KIF3B: variants seen among roughly 807,000 people sequenced by gnomAD.
KIF3B encodes the protein kinesin family member 3B, also known as kinesin-like protein KIF3B.
A neutral mutation model predicts 74.3 loss-of-function variants in KIF3B; 38 were observed. That is an observed-to-expected ratio of 0.51 (90% confidence interval 0.39 to 0.67). The LOEUF (loss-of-function observed/expected upper bound fraction) is 0.67. Ranked by LOEUF, KIF3B falls within the 30% of genes least tolerant of loss-of-function variation. The pLI, the probability that KIF3B is intolerant of heterozygous loss-of-function variation, is 0.00. For synonymous variants in KIF3B, 326 were observed against 342.5 expected (o/e 0.95, Z 0.53); for missense variants, 649 against 932.0 (o/e 0.70, Z 3.95).
intron 1 of KIF3B, among the ~76,000 whole-genome samples, chr20:32,298,359 G>A (rs2047726285): frequency 2.6e-5 from 4 of 152,208 alleles, no homozygotes; most frequent in Admixed American, 2.6e-4. Flanking sequence ...TCGCCAGGGA[G>A]GCGGAGGTTG....
chr20:32,315,370 C>T (rs2047822103), intron 2 of KIF3B, among the ~76,000 whole-genome samples: 1 of 152,158 alleles, frequency 6.6e-6, no homozygotes, highest in Non-Finnish European at 1.5e-5. Flanking sequence ...GTCTGTGTAT[C>T]TGGCCCTGCA....
At chr20:32,298,643 T>A (rs531237000) in intron 1 of KIF3B, among the ~76,000 whole-genome samples, 1 of 152,226 alleles carries the variant, frequency 6.6e-6, no homozygotes, top group Admixed American at 6.5e-5. Flanking sequence ...TAAATTGTTA[T>A]ATATCCTTCT....
chr20:32,331,423 C>T lies in KIF3B; in HGVS notation c.*104C>T. On this transcript the variant is annotated 3_prime_UTR_variant, in exon 9 of 9. Transcript: ENST00000375712. The stretch of plus-strand genomic sequence containing the variant: ...TTCGGCCCAAACTCAGAACTGTTCC[C>T]CTGAGGAGAAGCGGTGGCCTCTTTG... The T allele has an allele frequency of 1.1e-6, 1 of 884,632 alleles. No individual in the cohort carries two copies. The highest frequency in any genetic ancestry group is 1.8e-6 in the Non-Finnish European group (1 of 566,932). The allele number at this position is 884,632 out of a possible 1,614,324, so 54.8% of individuals were successfully genotyped here. A position where few individuals can be genotyped will look rare whatever the true frequency, so the allele number is the denominator to read the frequency against.
intron 5 of KIF3B, among the ~76,000 whole-genome samples, chr20:32,321,428 C>CAAA (rs566740586): frequency 9.5e-5 from 12 of 125,806 alleles, no homozygotes; most frequent in African/African-American, 3.3e-4. Context: ...GACTCTGTCT[C>CAAA]AAAAAAAAAA....
chr20:32,292,647 A>G (rs973399416), intron 1 of KIF3B, among the ~76,000 whole-genome samples: 13 of 150,840 alleles, frequency 8.6e-5, no homozygotes, highest in Admixed American at 8.6e-4. Context: ...AGTCCCAGCT[A>G]CTCTGGAGGC....
chr20:32,286,802 A>G (rs1484836837), intron 1 of KIF3B, among the ~76,000 whole-genome samples: 1 of 152,208 alleles, frequency 6.6e-6, no homozygotes, highest in Non-Finnish European at 1.5e-5. Context: ...ACATTTAAAC[A>G]TTATGAGTAA....
intron 1 of KIF3B, among the ~76,000 whole-genome samples, chr20:32,304,892 C>T (rs1415461731): frequency 6.6e-6 from 1 of 151,490 alleles, no homozygotes; most frequent in South Asian, 2.1e-4. Flanking sequence ...TGTAATCCCA[C>T]CACTTTGGGA....
intron 5 of KIF3B, among the ~76,000 whole-genome samples, chr20:32,323,138 A>ATATATT (rs1403214507): frequency 3.3e-4 from 31 of 93,522 alleles, no homozygotes; most frequent in Non-Finnish European, 4.8e-4. Context: ...ATATATTTAC[A>ATATATT]TATATTTATA....
rs1272690881 is a variant in KIF3B at position 32,327,610 on chromosome 20, G to A, written c.1917G>A (p.Leu639=). 1 of 1,613,514 alleles carries A rather than the reference G, an allele frequency of 6.2e-7. No individual in the cohort carries two copies. The highest frequency in any genetic ancestry group is 8.5e-7 in the Non-Finnish European group (1 of 1,179,742). The part of the protein sequence containing the change: ...PVSAVGYKRP[L]SQHARMSMMI... ...CAGCCGTGGGATATAAGAGACCATT[G>A]AGCCAGCACGCAAGAATGTCCATGA... Residue 639 remains leucine (L), a synonymous_variant, in exon 7 of 9, where the codon TTG becomes TTA. Transcript: ENST00000375712.
chr20:32,331,141 TG>T, intron 8 of KIF3B, 81 bp from the exon 9 acceptor site: 2 of 1,025,872 alleles, frequency 1.9e-6, no homozygotes, highest in Non-Finnish European at 1.5e-6. Flanking sequence ...AAGAATGGCC[TG>T]AAATGAAATG....
chr20:32,282,384 G>A lies in KIF3B; in HGVS notation c.-66+4619G>A, dbSNP rs147307208. Among the ~76,000 whole-genome samples, 3 of 152,116 alleles carry A rather than the reference G, an allele frequency of 2.0e-5. No homozygotes were observed. The East Asian group carries it at 5.8e-4, about 29-fold the overall frequency. ...TGATGAAAGGACTTTTTGGTAAGGG[G>A]CCCTATGAGGAAGAATTATTCATAG... is the stretch of plus-strand genomic sequence containing the variant. On this transcript the variant is annotated intron_variant, in intron 1 of 8. Coordinates refer to ENST00000375712, the MANE Select transcript of KIF3B (RefSeq NM_004798.4).
chr20:32,285,302 A>G (rs148946428), intron 1 of KIF3B, among the ~76,000 whole-genome samples: 2 of 152,298 alleles, frequency 1.3e-5, no homozygotes, highest in African/African-American at 4.8e-5. Flanking sequence ...GTGAGCTTGT[A>G]TTCTGAGTCA....
chr20:32,317,729 G>GTGGGCTCAAAC (rs2047835452), intron 5 of KIF3B, among the ~76,000 whole-genome samples: 2 of 149,328 alleles, frequency 1.3e-5, no homozygotes, highest in Non-Finnish European at 3.0e-5. Context: ...CCTGTAACTT[G>GTGGGCTCAAAC]TGGGCTCAAA....
At chr20:32,284,321 C>A (rs1214751870) in intron 1 of KIF3B, among the ~76,000 whole-genome samples, 2 of 152,158 alleles carry the variant, frequency 1.3e-5, no homozygotes, top group African/African-American at 4.8e-5. Flanking sequence ...CAGTTGAGAT[C>A]ATCTGGACTA....
intron 2 of KIF3B, among the ~76,000 whole-genome samples, chr20:32,312,120 CT>C (rs35069528): frequency 7.2e-4 from 98 of 136,664 alleles, no homozygotes; most frequent in Admixed American, 1.4e-3. Context: ...TTCTTTCTTT[CT>C]TTTTTTTTTT....
intron 1 of KIF3B, among the ~76,000 whole-genome samples, chr20:32,293,681 T>C (rs2047703411): frequency 6.6e-6 from 1 of 151,946 alleles, no homozygotes; most frequent in Admixed American, 6.6e-5. Flanking sequence ...AAGATTTATA[T>C]AGGAAGAAGT....
chr20:32,279,628 G>C (rs562491424), intron 1 of KIF3B, among the ~76,000 whole-genome samples: 1 of 152,050 alleles, frequency 6.6e-6, no homozygotes, highest in Non-Finnish European at 1.5e-5. Context: ...ACCATGCCCG[G>C]CTAATTTTGT....
intron 1 of KIF3B, among the ~76,000 whole-genome samples, chr20:32,295,789 A>C (rs1569192450): frequency 1.3e-5 from 2 of 151,978 alleles, no homozygotes; most frequent in African/African-American, 2.4e-5. Context: ...ATTTAGGATA[A>C]GTAGGTCCCG....
At chr20:32,292,292 T>C (rs1407194848) in intron 1 of KIF3B, among the ~76,000 whole-genome samples, 1 of 152,060 alleles carries the variant, frequency 6.6e-6, no homozygotes, top group Non-Finnish European at 1.5e-5. Context: ...AAAAAGGAGC[T>C]GGACGTAGTG....
Sources: gnomAD v4.1 joint callset for allele counts (sites outside exome capture counted in the v4.1 genomes callset) on GRCh38, gnomAD v4.1.1 for gene constraint, MANE v1.5 for transcripts, NCBI Gene and HGNC (gene_info 2026-07-23, HGNC 2026-07-21) for gene names.